Variants in ACAD11 observed in about 807,000 individuals in gnomAD.
ACAD11 encodes the protein acyl-CoA dehydrogenase family member 11.
ACAD11 carries 83 observed loss-of-function variants against 102.2 expected under a neutral mutation model. The observed-to-expected ratio is 0.81, with a 90% CI of 0.68 to 0.97. The LOEUF (loss-of-function observed/expected upper bound fraction) is 0.97. Among genes scored for constraint, ACAD11 ranks in the 50% least tolerant of loss-of-function variants. The pLI is 0.00. For synonymous variants in ACAD11, 324 were observed against 319.8 expected (o/e 1.01, Z -0.14); for missense variants, 901 against 951.7 (o/e 0.95, Z 0.70).
At chr3:132,644,718 T>G in intron 2 of ACAD11, 79 bp downstream of exon 2, 1 of 716,066 alleles carries the variant, frequency 1.4e-6, no homozygotes, top group Non-Finnish European at 2.2e-6. Context: ...AGATGCCTTT[T>G]AAAAGTAAAT....
At chr3:132,582,659 C>CTG (rs10637502) in intron 13 of ACAD11, among the ~76,000 whole-genome samples, 61,473 of 151,342 alleles carry the variant, frequency 0.41, 15,242 homozygotes, top group East Asian at 0.71. Context: ...CATGCACACT[C>CTG]TCTGACAAAA....
intron 1 of ACAD11, chr3:132,654,710 C>T (rs563945909): frequency 6.6e-6 from 1 of 152,336 alleles, no homozygotes; most frequent in South Asian, 2.1e-4. Context: ...CTGGTTTTCT[C>T]AGTCAGTGTG....
intron 11 of ACAD11, among the ~76,000 whole-genome samples, chr3:132,611,845 G>C (rs1939167154): frequency 6.6e-6 from 1 of 151,994 alleles, no homozygotes; most frequent in South Asian, 2.1e-4. Flanking sequence ...AGCTACCAAT[G>C]ACTTTCTTCA....
intron 16 of ACAD11, among the ~76,000 whole-genome samples, chr3:132,576,545 G>C (rs1937527132): frequency 1.3e-5 from 2 of 152,166 alleles, no homozygotes; most frequent in Admixed American, 1.3e-4. Context: ...GAGGCCTACA[G>C]ATCATGTTCT....
At chr3:132,630,151 G>T (rs1190395576) in intron 7 of ACAD11, among the ~76,000 whole-genome samples, 2 of 152,120 alleles carry the variant, frequency 1.3e-5, no homozygotes, top group Non-Finnish European at 2.9e-5. Flanking sequence ...TTCAGGAAAT[G>T]ACTAATCCTT....
Position 132,587,913 on chromosome 3 carries a change from A to G in ACAD11, c.1622-8355T>C, listed in dbSNP as rs541914040. On this transcript the variant is annotated intron_variant, in intron 13 of 19. Coordinates refer to ENST00000264990, the MANE Select transcript of ACAD11 (RefSeq NM_032169.5). ...CCAGAGACCCAAGCAAAGTTTCCAC[A>G]TGAAAGCTGGAGCTCCCCTTTTCTG... 2.6e-5 allele frequency among the ~76,000 whole-genome samples: 4 copies of G among 152,320 alleles called. No homozygotes were observed. The East Asian group carries it at 5.8e-4, about 22-fold the overall frequency.
chr3:132,655,178 A>G (rs1937716913), intron 1 of ACAD11, among the ~76,000 whole-genome samples: 1 of 152,120 alleles, frequency 6.6e-6, no homozygotes, highest in African/African-American at 2.4e-5. Flanking sequence ...CTTCTTACCC[A>G]TTCTACACTC....
chr3:132,558,914 A>G lies in ACAD11; in HGVS notation c.*57T>C. The G allele has an allele frequency of 8.0e-7, 1 of 1,257,758 alleles. No homozygotes were observed. The highest frequency in any genetic ancestry group is 1.1e-6 in the Non-Finnish European group (1 of 875,968). The allele number at this position is 1,257,758 out of a possible 1,614,324, so 77.9% of individuals were successfully genotyped here. On this transcript the variant is annotated 3_prime_UTR_variant, in exon 20 of 20. Coordinates refer to ENST00000264990, the MANE Select transcript of ACAD11 (RefSeq NM_032169.5). ...AATATGAGATTCAAATGTTGGAGCC[A>G]ATGAAGTTTGTATAAAGGAGAGTTT...
chr3:132,561,407 G>A, intron 17 of ACAD11, 190 bp from the exon 18 acceptor site: 1 of 600,916 alleles, frequency 1.7e-6, no homozygotes, highest in Non-Finnish European at 3.1e-6. Context: ...CATACTTGTG[G>A]AATGCTTACA....
intron 11 of ACAD11, among the ~76,000 whole-genome samples, chr3:132,613,667 G>C (rs1021626536): frequency 5.3e-5 from 8 of 152,092 alleles, no homozygotes; most frequent in Non-Finnish European, 1.2e-4. Context: ...GGGATGCCAA[G>C]GTGGATGGAT....
Position 132,600,318 on chromosome 3 carries a change from G to T in ACAD11, c.1621+2911C>A, listed in dbSNP as rs1317349839. 2.1e-5 allele frequency: 28 copies of T among 1,311,012 alleles called. No individual in the cohort carries two copies. In the African/African-American group the frequency reaches 4.2e-4, roughly 20 times the overall value. 81.2% of individuals were successfully genotyped at this position (1,311,012 alleles called of 1,614,324 possible). A position where few individuals can be genotyped will look rare whatever the true frequency, so the allele number is the denominator to read the frequency against. On this transcript the variant is annotated intron_variant, in intron 13 of 19. Coordinates refer to ENST00000264990, the MANE Select transcript of ACAD11 (RefSeq NM_032169.5). The stretch of plus-strand genomic sequence containing the variant: ...TATACTCTAGGGAAAGAACAAAACA[G>T]CTTGATAAAAACTGTTTCCTTTTAA...
intron 13 of ACAD11, among the ~76,000 whole-genome samples, chr3:132,593,286 G>C (rs1938159600): frequency 6.6e-6 from 1 of 151,854 alleles, no homozygotes. Flanking sequence ...AAATTATAAA[G>C]AACACCTAAA....
intron 1 of ACAD11, chr3:132,650,447 C>G (rs1385600621): frequency 1.3e-5 from 2 of 152,162 alleles, no homozygotes; most frequent in Admixed American, 1.3e-4. Flanking sequence ...AACATGAACA[C>G]ACAGTCATGA....
At chr3:132,577,829 T>C (rs1559936689) in intron 15 of ACAD11, among the ~76,000 whole-genome samples, 1 of 152,210 alleles carries the variant, frequency 6.6e-6, no homozygotes, top group Non-Finnish European at 1.5e-5. Flanking sequence ...ATGGAAATTA[T>C]TTGCAGCTCA....
At chr3:132,650,194 T>C (rs773742229) in intron 1 of ACAD11, 3 of 152,052 alleles carry the variant, frequency 2.0e-5, no homozygotes, top group Non-Finnish European at 4.4e-5. Context: ...TCCTGACAAG[T>C]GCAATGGAGT....
Position 132,628,384 on chromosome 3 carries a change from A to T in ACAD11, c.1026T>A (p.Asn342Lys). ...CAGTTTCTGCCAGAGGTTGCACAAT[A>T]TTGGCAAATAAAAAGCTATCCTCAG... ...NSSEDSFLFA[N>K]IVQPLAETGL... Residue 342 changes from asparagine (N) to lysine (K), a missense_variant, in exon 8 of 20, where the codon AAT becomes AAA. Coordinates refer to ENST00000264990, the MANE Select transcript of ACAD11 (RefSeq NM_032169.5). 2 of 1,613,382 alleles carry T rather than the reference A, an allele frequency of 1.2e-6. No homozygotes were observed. Among genetic ancestry groups the T allele is most frequent in the African/African-American group, 1.3e-5 (1 of 74,962 alleles).
intron 17 of ACAD11, among the ~76,000 whole-genome samples, chr3:132,566,296 C>CAAAAAAA (rs371477145): frequency 1.1e-3 from 70 of 61,798 alleles, no homozygotes; most frequent in African/African-American, 2.2e-3. Context: ...AAAACAAACT[C>CAAAAAAA]AAAAAAACAA....
At chr3:132,613,120 G>A (rs370134944) in intron 11 of ACAD11, among the ~76,000 whole-genome samples, 5 of 151,524 alleles carry the variant, frequency 3.3e-5, no homozygotes, top group East Asian at 1.9e-4. Flanking sequence ...GCAAACTATC[G>A]CAAGGACAAA....
intron 1 of ACAD11, among the ~76,000 whole-genome samples, chr3:132,653,808 A>G (rs181526610): frequency 1.3e-5 from 2 of 152,208 alleles, no homozygotes; most frequent in African/African-American, 4.8e-5. Context: ...TTAATTTGCT[A>G]ACTTCTTAAT....
Sources: allele counts gnomAD v4.1 joint callset (sites outside exome capture counted in the v4.1 genomes callset), GRCh38; gene constraint gnomAD v4.1.1; transcripts MANE v1.5; gene names NCBI Gene and HGNC (gene_info 2026-07-23, HGNC 2026-07-21).